TNFAIP2: variants seen among roughly 807,000 people sequenced by gnomAD.
TNFAIP2 encodes TNF alpha induced protein 2, also known as tumor necrosis factor alpha-induced protein 2.
TNFAIP2 carries 47 observed loss-of-function variants against 63.5 expected under a neutral mutation model. The observed-to-expected ratio is 0.74, with a 90% CI of 0.59 to 0.94. The LOEUF is 0.94. Ranked by LOEUF, TNFAIP2 falls within the 40% of genes least tolerant of loss-of-function variation. TNFAIP2 has a pLI of 0.00. For missense variants in TNFAIP2, 787 were observed against 850.2 expected, an observed-to-expected ratio of 0.93 and a Z score of 0.92; for synonymous variants, 405 against 390.2, an observed-to-expected ratio of 1.04 and a Z score of -0.45.
At chr14:103,133,170 ATG>A (rs2088020484) in intron 9 of TNFAIP2, among the ~76,000 whole-genome samples, 190 bp from the exon 10 acceptor site, 1 of 146,884 alleles carries the variant, frequency 6.8e-6, no homozygotes, top group African/African-American at 2.7e-5. Context: ...ACGTGAACGC[ATG>A]CACATGTGAA....
chr14:103,133,848 C>A lies in TNFAIP2; in HGVS notation c.1823+45C>A, dbSNP rs181880656. The A allele has an allele frequency of 8.4e-5, 130 of 1,550,404 alleles. 1 individual carries two copies. The East Asian group carries it at 2.1e-3, about 24-fold the overall frequency. On this transcript the variant is annotated intron_variant, in intron 11 of 11. Transcript: ENST00000560869. The stretch of plus-strand genomic sequence containing the variant: ...CAGGACCACTGTCACATCACTGTGG[C>A]CAAGGCCTCACAGGGCTGGCATTGG...
intron 3 of TNFAIP2, among the ~76,000 whole-genome samples, chr14:103,128,910 T>G (rs2087914367): frequency 6.6e-6 from 1 of 152,060 alleles, no homozygotes. Context: ...GGAGCCCTGG[T>G]GAGAGGGTGC....
At position 103,131,897 on chromosome 14, in the gene TNFAIP2, G is replaced by T. The variant is rs2087983340; in HGVS notation, c.1422+135G>T. On this transcript the variant is annotated intron_variant, in intron 8 of 11. Transcript: ENST00000560869. This position sits in a 1 kb window ranked among gnomAD's most constrained non-coding sequence, Gnocchi z 4.0. ...GCTCCAGGCCTGTGGACGGCACCGT[G>T]GGCCAGCTCTGGTGCAGCGGTGATG... 1 of 1,292,318 alleles carries T rather than the reference G, an allele frequency of 7.7e-7. No homozygotes were observed. Among genetic ancestry groups the T allele is most frequent in the Non-Finnish European group, 1.0e-6 (1 of 963,456 alleles). The allele number at this position is 1,292,318 out of a possible 1,614,324, so 80.1% of individuals were successfully genotyped here.
At chr14:103,125,531 C>G (rs1235103073) in intron 1 of TNFAIP2, among the ~76,000 whole-genome samples, 1 of 152,170 alleles carries the variant, frequency 6.6e-6, no homozygotes, top group Non-Finnish European at 1.5e-5. Flanking sequence ...GCTGCAGAAA[C>G]TGGAAGCCTT....
At chr14:103,132,685 G>T (rs772105025) in intron 8 of TNFAIP2, 65 bp from the exon 9 acceptor site, 1 of 1,573,540 alleles carries the variant, frequency 6.4e-7, no homozygotes, top group African/African-American at 1.3e-5. Flanking sequence ...GCGTGTCTGC[G>T]TGTCTGCGGC....
upstream of TNFAIP2, among the ~76,000 whole-genome samples, chr14:103,122,422 C>T (rs1304199401): frequency 2.0e-4 from 30 of 152,196 alleles, no homozygotes; most frequent in Admixed American, 2.0e-3. Flanking sequence ...GGAGCAGAGG[C>T]CCCAGTGAGG....
intron 6 of TNFAIP2, 23 bp downstream of exon 6, chr14:103,130,438 G>A: frequency 2.6e-6 from 4 of 1,550,294 alleles, no homozygotes; most frequent in Non-Finnish European, 3.5e-6. Flanking sequence ...CCAGGATGGG[G>A]TCCCTGTAGC....
chr14:103,132,555 A>G (rs1022222947), intron 8 of TNFAIP2, 195 bp from the exon 9 acceptor site: 32 of 784,450 alleles, frequency 4.1e-5, no homozygotes, highest in Non-Finnish European at 6.5e-5. Flanking sequence ...AAGGGTGCAC[A>G]GAGCCGGCTC....
chr14:103,135,373 C>A lies in TNFAIP2; in HGVS notation c.*13C>A. ...AAAGGTTGGTTAGCTTTTCCTGTGG[C>A]CTGACCTGCCTGTGAGTGCCCAGCA... is the stretch of plus-strand genomic sequence containing the variant. On this transcript the variant is annotated 3_prime_UTR_variant, in exon 12 of 12. Coordinates refer to ENST00000560869, the MANE Select transcript of TNFAIP2 (RefSeq NM_006291.4). The surrounding 1 kb of genome is among the most constrained non-coding windows in gnomAD (Gnocchi z 7.6). 6.3e-7 allele frequency: 1 copy of A among 1,588,674 alleles called. No individual in the cohort carries two copies. Among genetic ancestry groups the A allele is most frequent in the South Asian group, 1.2e-5 (1 of 86,612 alleles).
chr14:103,125,474 C>A (rs928187153), intron 1 of TNFAIP2, among the ~76,000 whole-genome samples: 25 of 152,180 alleles, frequency 1.6e-4, no homozygotes, highest in Admixed American at 1.2e-3. Flanking sequence ...CGAAATAACA[C>A]CCTTCCAGAT....
chr14:103,134,948 G>A (rs2088064898), intron 11 of TNFAIP2, among the ~76,000 whole-genome samples: 1 of 152,218 alleles, frequency 6.6e-6, no homozygotes. Context: ...GGACATCTTA[G>A]CGGAGACCTA....
Position 103,127,781 on chromosome 14 carries a change from C to T in TNFAIP2, c.860+152C>T. ...CGAGAATGCAGGGGTGGGACTTGGA[C>T]TCCCTGGGGCAGAGCCTGGACAGGC... On this transcript the variant is annotated intron_variant, in intron 3 of 11. Coordinates refer to ENST00000560869, the MANE Select transcript of TNFAIP2 (RefSeq NM_006291.4). This position sits in a 1 kb window ranked among gnomAD's most constrained non-coding sequence, Gnocchi z 5.1. 4 of 887,238 alleles carry T rather than the reference C, an allele frequency of 4.5e-6. No individual in the cohort carries two copies. The highest frequency in any genetic ancestry group is 6.4e-6 in the Non-Finnish European group (4 of 628,724). 55.0% of individuals were successfully genotyped at this position (887,238 alleles called of 1,614,324 possible).
At chr14:103,130,949 A>G (rs920600970) in intron 6 of TNFAIP2, 103 bp from the exon 7 acceptor site, 16 of 1,255,362 alleles carry the variant, frequency 1.3e-5, no homozygotes, top group Non-Finnish European at 1.8e-5. Context: ...GGGCAGCCAA[A>G]CAGAAAAGTG....
chr14:103,135,691 C>T lies in TNFAIP2; in HGVS notation c.*331C>T. 1 of 1,248,990 alleles carries T rather than the reference C, an allele frequency of 8.0e-7. No homozygotes were observed. The highest frequency in any genetic ancestry group is 1.0e-6 in the Non-Finnish European group (1 of 980,850). 77.4% of individuals were successfully genotyped at this position (1,248,990 alleles called of 1,614,324 possible). A position where few individuals can be genotyped will look rare whatever the true frequency, so the allele number is the denominator to read the frequency against. ...GCCAGGCTCAGGGATCCCCGGACACCTCTGTCCAGAGCCCCTCCACAGTCG... is the reference window on the plus strand; with the variant it reads ...GCCAGGCTCAGGGATCCCCGGACACTTCTGTCCAGAGCCCCTCCACAGTCG... On this transcript the variant is annotated 3_prime_UTR_variant, in exon 12 of 12. Transcript: ENST00000560869. This position sits in a 1 kb window ranked among gnomAD's most constrained non-coding sequence, Gnocchi z 7.6.
intron 8 of TNFAIP2, among the ~76,000 whole-genome samples, chr14:103,132,087 C>G (rs2139564374): frequency 6.6e-6 from 1 of 151,828 alleles, no homozygotes; most frequent in African/African-American, 2.4e-5. Flanking sequence ...AGTTTCACTG[C>G]CCCTCCCCGA....
At position 103,127,516 on chromosome 14, in the gene TNFAIP2, C is replaced by T. The variant is rs1240874278; in HGVS notation, c.747C>T (p.Tyr249=). 1.3e-6 allele frequency: 2 copies of T among 1,589,578 alleles called. No individual in the cohort carries two copies. Among genetic ancestry groups the T allele is most frequent in the Non-Finnish European group, 1.7e-6 (2 of 1,175,500 alleles). Reference sequence around the variant, plus strand: ...CCGAGTTCGGCGTCGTGGCGGCCTACGCCGAGAGCTACCACCAGCACTTCG... The same window carrying T: ...CCGAGTTCGGCGTCGTGGCGGCCTATGCCGAGAGCTACCACCAGCACTTCG... ...FPAEFGVVAA[Y]AESYHQHFAA... Residue 249 remains tyrosine, a synonymous_variant, in exon 3 of 12, where the codon TAC becomes TAT. Transcript: ENST00000560869. The surrounding 1 kb of genome is among the most constrained non-coding windows in gnomAD (Gnocchi z 5.1).
At chr14:103,121,979 G>C (rs1005571277), upstream of TNFAIP2, among the ~76,000 whole-genome samples, 1 of 152,188 alleles carries the variant, frequency 6.6e-6, no homozygotes, top group Non-Finnish European at 1.5e-5. Flanking sequence ...GGCAGCCACC[G>C]GCCAGGGCCC....
chr14:103,122,178 C>T (rs2282037), upstream of TNFAIP2, among the ~76,000 whole-genome samples: 66,185 of 152,014 alleles, frequency 0.44, 14,805 homozygotes, highest in Non-Finnish European at 0.51. Context: ...GGCGGCCTCC[C>T]GCATCCGCTC....
rs185738760 is a variant in TNFAIP2 at position 103,132,211 on chromosome 14, C to T, written c.1422+449C>T. 3.1e-3 allele frequency among the ~76,000 whole-genome samples: 476 copies of T among 152,256 alleles called. 4 individuals are homozygous for T. The highest frequency in any genetic ancestry group is 0.011 in the African/African-American group (437 of 41,536). ...CCCAGCAACTGAGGCTCAGGGTCAT[C>T]GGCAGCTGGGGTTATATCTGTTATG... On this transcript the variant is annotated intron_variant, in intron 8 of 11. Transcript: ENST00000560869.
Sources: allele counts gnomAD v4.1 joint callset (sites outside exome capture counted in the v4.1 genomes callset), GRCh38; gene constraint gnomAD v4.1.1; non-coding constraint Gnocchi (gnomAD v3.1); transcripts MANE v1.5; gene names NCBI Gene and HGNC (gene_info 2026-07-23, HGNC 2026-07-21).